Variants in ANOS1 observed in about 807,000 individuals in gnomAD.
The protein encoded by ANOS1 is anosmin-1.
In ANOS1, 6 loss-of-function variants were observed where a neutral mutation model predicts 59.0. The observed-to-expected ratio is 0.10, with a 90% CI of 0.06 to 0.20. The LOEUF (loss-of-function observed/expected upper bound fraction) is 0.20, where lower values mean the gene tolerates loss of function less well. Among genes scored for constraint, ANOS1 ranks in the 10% least tolerant of loss-of-function variants. The probability of loss-of-function intolerance (pLI) is 1.00; values close to 1 mark genes in which losing one functional copy is unlikely to be tolerated. For missense variants in ANOS1, 433 were observed against 542.3 expected (o/e 0.80, Z 2.00); for synonymous variants, 217 against 223.4 (o/e 0.97, Z 0.25).
At chrX:8,570,162 AAAAGT>A (rs2146806856) in intron 7 of ANOS1, among the ~76,000 whole-genome samples, 1 of 110,666 alleles carries the variant, frequency 9.0e-6, no homozygotes, top group African/African-American at 3.3e-5. Context: ...AAAAAAACTT[AAAAGT>A]AAAGTACATT....
chrX:8,643,559 A>C (rs1931700912), intron 2 of ANOS1, among the ~76,000 whole-genome samples: 1 of 112,001 alleles, frequency 8.9e-6, no homozygotes, highest in African/African-American at 3.2e-5. Context: ...GACAAGGAAG[A>C]AAATCAAAAT....
intron 1 of ANOS1, among the ~76,000 whole-genome samples, chrX:8,707,779 G>C (rs1257367257): frequency 8.9e-6 from 1 of 112,017 alleles, no homozygotes; most frequent in Non-Finnish European, 1.9e-5. Context: ...TGCCGGGGTG[G>C]GGAGGGGAGG....
At chrX:8,707,447 G>C (rs915889628) in intron 1 of ANOS1, among the ~76,000 whole-genome samples, 1 of 111,822 alleles carries the variant, frequency 8.9e-6, no homozygotes, top group African/African-American at 3.3e-5. Flanking sequence ...GATTTGGCAT[G>C]ATGACACCGA....
At chrX:8,559,250 TGTGAC>T (rs749062240) in intron 8 of ANOS1, among the ~76,000 whole-genome samples, 3 of 112,206 alleles carry the variant, frequency 2.7e-5, no homozygotes, top group Admixed American at 1.9e-4. Context: ...ACTGGTGCCA[TGTGAC>T]GTGGTATTTT....
rs1932628530 is a variant in ANOS1, at chrX:8,692,930, A to G, written c.255+6768T>C. 2.7e-5 allele frequency among the ~76,000 whole-genome samples: 3 copies of G among 112,528 alleles called. No individual in the cohort carries two copies. In the South Asian group the frequency reaches 1.1e-3, roughly 41 times the overall value. On this transcript the variant is annotated intron_variant, in intron 2 of 13. Transcript: ENST00000262648. ...TCTTCTTAGTCTATCTTGTGTTAAA[A>G]GGACCTAAGTCATGAACATAGGATG...
chrX:8,716,407 C>T (rs1162479938), intron 1 of ANOS1, among the ~76,000 whole-genome samples: 1 of 112,108 alleles, frequency 8.9e-6, no homozygotes, highest in African/African-American at 3.2e-5. Flanking sequence ...TCAGGCTAAC[C>T]CTGTCCTTTT....
chrX:8,556,571 T>C (rs1318849868), intron 8 of ANOS1, among the ~76,000 whole-genome samples: 11 of 111,340 alleles, frequency 9.9e-5, no homozygotes, highest in African/African-American at 3.6e-4. Context: ...TGAACTCCCA[T>C]TCACAGTTGC....
rs760569319 is a variant in ANOS1 at position 8,599,852 on chromosome X, AAAAC to A, written c.319-2600_319-2597del. 8.0e-3 allele frequency among the ~76,000 whole-genome samples: 892 copies of A among 111,851 alleles called. 16 individuals are homozygous for A. The highest frequency in any genetic ancestry group is 0.027 in the African/African-American group (843 of 30,743). The stretch of plus-strand genomic sequence containing the variant: ...TTCACCAATAGTGGAGGTATGTTAT[AAAAC>A]AAACAAACAAACAAACAAAACCACC... On this transcript the variant is annotated intron_variant, in intron 3 of 13. Coordinates refer to ENST00000262648, the MANE Select transcript of ANOS1 (RefSeq NM_000216.4).
rs755516290 is a variant in ANOS1 at position 8,536,927 on chromosome X, G to A, written c.1465C>T (p.Leu489Phe). 1 of 1,206,295 alleles carries A rather than the reference G, an allele frequency of 8.3e-7. No individual in the cohort carries two copies. Among genetic ancestry groups the A allele is most frequent in the Admixed American group, 2.2e-5 (1 of 45,978 alleles). Residue 489 changes from leucine to phenylalanine, a missense_variant, in exon 11 of 14, where the codon CTT (leucine) becomes TTT (phenylalanine). By Grantham distance (22) the Leu-to-Phe change is conservative. Transcript: ENST00000262648. ...TTGCAGGAAAATGACAGATCTTGAAGAATTATGTAATTTTCCTAGAGCAAG... is the reference window on the plus strand; with the variant it reads ...TTGCAGGAAAATGACAGATCTTGAAAAATTATGTAATTTTCCTAGAGCAAG... Reference protein sequence around the residue: ...SGMTHENYIILQDLSFSCKYK... With the variant: ...SGMTHENYIIFQDLSFSCKYK...
chrX:8,636,659 G>A (rs1320068230), intron 2 of ANOS1, among the ~76,000 whole-genome samples: 1 of 111,707 alleles, frequency 9.0e-6, no homozygotes, highest in Non-Finnish European at 1.9e-5. Context: ...CTATCTGTGT[G>A]GCTTGGTTGT....
At chrX:8,615,278 C>T (rs937474261) in intron 3 of ANOS1, among the ~76,000 whole-genome samples, 2 of 111,718 alleles carry the variant, frequency 1.8e-5, no homozygotes, top group Non-Finnish European at 3.8e-5. Flanking sequence ...AGTGCGGTGG[C>T]TCACGCCTGT....
At chrX:8,654,146 G>A (rs193294805) in intron 2 of ANOS1, among the ~76,000 whole-genome samples, 1 of 111,695 alleles carries the variant, frequency 9.0e-6, no homozygotes, top group African/African-American at 3.3e-5. Flanking sequence ...CACTGCCTTC[G>A]TTAAACCTGT....
rs1930682700 is a variant in ANOS1, at chrX:8,594,656, GTGTATATATATATATATATA to G, written c.541+2358_541+2377del. Among the ~76,000 whole-genome samples the G allele has an allele frequency of 8.8e-4, 11 of 12,439 alleles. No homozygotes were observed. In the South Asian group the frequency reaches 0.084, roughly 95 times the overall value. 10.8% of individuals were successfully genotyped at this position (12,439 alleles called of 115,157 possible). A position where few individuals can be genotyped will look rare whatever the true frequency, so the allele number is the denominator to read the frequency against. On this transcript the variant is annotated intron_variant, in intron 4 of 13. Coordinates refer to ENST00000262648, the MANE Select transcript of ANOS1 (RefSeq NM_000216.4). Reference sequence around the variant, plus strand: ...AAAAAAAATCTACATATATATATATGTGTATATATATATATATATATATATATATATATATATATATACAC... The same window carrying G: ...AAAAAAAATCTACATATATATATATGTATATATATATATATATATATACAC...
chrX:8,541,264 G>A (rs1379036127), intron 9 of ANOS1, among the ~76,000 whole-genome samples: 18 of 103,228 alleles, frequency 1.7e-4, no homozygotes, highest in Non-Finnish European at 2.8e-4. Flanking sequence ...TTAGCCAGGC[G>A]TGGTGGCAGG....
intron 2 of ANOS1, among the ~76,000 whole-genome samples, chrX:8,657,194 G>A (rs1352566252): frequency 8.0e-5 from 9 of 112,405 alleles, no homozygotes; most frequent in Non-Finnish European, 1.3e-4. Flanking sequence ...GTGATATTTC[G>A]TGCATCCTAC....
At chrX:8,551,244 A>C (rs985227019) in intron 9 of ANOS1, among the ~76,000 whole-genome samples, 6 of 112,519 alleles carry the variant, frequency 5.3e-5, no homozygotes, top group Non-Finnish European at 1.1e-4. Flanking sequence ...ACAAGAAAGG[A>C]GAATATCTTT....
chrX:8,546,889 C>T (rs1929778954), intron 9 of ANOS1, among the ~76,000 whole-genome samples: 1 of 111,684 alleles, frequency 9.0e-6, no homozygotes, highest in Non-Finnish European at 1.9e-5. Context: ...GGCCATACAT[C>T]CTGGCTTTCC....
intron 3 of ANOS1, among the ~76,000 whole-genome samples, chrX:8,614,705 C>T (rs928765258): frequency 9.1e-6 from 1 of 109,784 alleles, no homozygotes; most frequent in East Asian, 2.8e-4. Context: ...TCATGATACT[C>T]CCCTAACTCC....
At chrX:8,644,320 G>A (rs1432589249) in intron 2 of ANOS1, among the ~76,000 whole-genome samples, 1 of 110,758 alleles carries the variant, frequency 9.0e-6, no homozygotes, top group Admixed American at 9.6e-5. Context: ...CAGGAAAGAA[G>A]GGACAGACAT....
Sources: gnomAD v4.1 joint callset for allele counts (sites outside exome capture counted in the v4.1 genomes callset) on GRCh38, gnomAD v4.1.1 for gene constraint, MANE v1.5 for transcripts, NCBI Gene and HGNC (gene_info 2026-07-23, HGNC 2026-07-21) for gene names.